CACNA1E: variants seen among roughly 807,000 people sequenced by gnomAD.
CACNA1E encodes calcium voltage-gated channel subunit alpha1 E, also known as voltage-dependent R-type calcium channel subunit alpha-1E.
CACNA1E carries 40 observed loss-of-function variants against 259.2 expected under a neutral mutation model. That is an observed-to-expected ratio of 0.15 (90% CI 0.12 to 0.20). The LOEUF (loss-of-function observed/expected upper bound fraction) is 0.20. Ranked by LOEUF, CACNA1E falls within the 10% of genes least tolerant of loss-of-function variation. CACNA1E has a pLI of 1.00. For missense variants in CACNA1E, 1,874 were observed against 3,040.1 expected, an observed-to-expected ratio of 0.62 and a Z score of 9.02; for synonymous variants, 1,104 against 1,138.5, an observed-to-expected ratio of 0.97 and a Z score of 0.61.
intron 7 of CACNA1E, chr1:181,668,607 G>C (rs538767533): frequency 6.6e-6 from 1 of 152,268 alleles, no homozygotes; most frequent in East Asian, 1.9e-4. Flanking sequence ...TTACATTCTT[G>C]CTAGCAATGC....
At chr1:181,518,811 T>C (rs1666782497) in intron 3 of CACNA1E, among the ~76,000 whole-genome samples, 1 of 152,248 alleles carries the variant, frequency 6.6e-6, no homozygotes, top group Non-Finnish European at 1.5e-5. Context: ...GAAAGGCTTC[T>C]TCTTGCCACC....
chr1:181,746,433 A>C (rs1657093161), intron 25 of CACNA1E, among the ~76,000 whole-genome samples: 2 of 152,188 alleles, frequency 1.3e-5, no homozygotes, highest in Non-Finnish European at 2.9e-5. Context: ...TTCTTGAGCA[A>C]CCTTGGTGTT....
chr1:181,566,339 T>A (rs1158311903), intron 3 of CACNA1E, among the ~76,000 whole-genome samples: 1 of 152,210 alleles, frequency 6.6e-6, no homozygotes, highest in Non-Finnish European at 1.5e-5. Context: ...GGTACCTGTA[T>A]GGAACAGGGC....
intron 2 of CACNA1E, among the ~76,000 whole-genome samples, chr1:181,443,841 G>A (rs557239625): frequency 6.6e-6 from 1 of 152,312 alleles, no homozygotes; most frequent in African/African-American, 2.4e-5. Context: ...ATATGTGACA[G>A]CTCTCATCCT....
Position 181,794,443 on chromosome 1 carries a change from TA to T in CACNA1E, c.6028-409del, listed in dbSNP as rs3830693. ...CAGGGCCTTCTCTGGCAAGGGCGTT[TA>T]AAAAAAAAAAAGCAAAGCCATGCTT... is the stretch of plus-strand genomic sequence containing the variant. On this transcript the variant is annotated intron_variant, in intron 45 of 47. Coordinates refer to ENST00000367573, the MANE Select transcript of CACNA1E (RefSeq NM_001205293.3). 1.3e-3 allele frequency among the ~76,000 whole-genome samples: 190 copies of T among 145,456 alleles called. 1 individual carries two copies. The highest frequency in any genetic ancestry group is 3.5e-3 in the Middle Eastern group (1 of 286).
chr1:181,646,687 A>G (rs765771053), intron 6 of CACNA1E, among the ~76,000 whole-genome samples: 13 of 152,172 alleles, frequency 8.5e-5, no homozygotes, highest in Non-Finnish European at 1.6e-4. Flanking sequence ...GCATAGCTTC[A>G]GCTCAGGGGA....
Position 181,523,459 on chromosome 1 carries a change from A to G in CACNA1E, c.512+11949A>G, listed in dbSNP as rs560227248. ...TCTTTTTTAATTTATTCAATATAGCATAGTGATTAAGAATTTGGGCTTCAT... is the reference window on the plus strand; with the variant it reads ...TCTTTTTTAATTTATTCAATATAGCGTAGTGATTAAGAATTTGGGCTTCAT... On this transcript the variant is annotated intron_variant, in intron 3 of 47. Coordinates refer to ENST00000367573, the MANE Select transcript of CACNA1E (RefSeq NM_001205293.3). Among the ~76,000 whole-genome samples, 5 of 152,328 alleles carry G rather than the reference A, an allele frequency of 3.3e-5. No individual in the cohort carries two copies. In the East Asian group the frequency reaches 7.7e-4, roughly 23 times the overall value.
intron 2 of CACNA1E, among the ~76,000 whole-genome samples, chr1:181,422,494 G>C (rs1254958749): frequency 6.6e-6 from 1 of 152,202 alleles, no homozygotes; most frequent in Non-Finnish European, 1.5e-5. Context: ...GGGGTGTGGA[G>C]ATTCATGAGC....
At chr1:181,657,589 A>G (rs1659308150) in intron 7 of CACNA1E, among the ~76,000 whole-genome samples, 1 of 152,210 alleles carries the variant, frequency 6.6e-6, no homozygotes, top group East Asian at 1.9e-4. Context: ...TTAAATTTTA[A>G]AGTAAAAATA....
intron 2 of CACNA1E, among the ~76,000 whole-genome samples, chr1:181,436,557 A>G (rs1271951578): frequency 6.6e-6 from 1 of 152,292 alleles, no homozygotes; most frequent in Non-Finnish European, 1.5e-5. Context: ...GTCATTTGTG[A>G]CAACATGGGT....
chr1:181,511,616 G>A (rs1666172835), intron 3 of CACNA1E, 106 bp downstream of exon 3: 2 of 1,296,910 alleles, frequency 1.5e-6, no homozygotes, highest in East Asian at 4.6e-5. Flanking sequence ...AATCTGTAGA[G>A]TAGGGGCAGA....
chr1:181,721,647 C>A, intron 15 of CACNA1E, 111 bp from the exon 16 acceptor site: 1 of 541,780 alleles, frequency 1.8e-6, no homozygotes, highest in South Asian at 3.6e-5. Context: ...GCAAGATTGT[C>A]AAGCAAGGGG....
chr1:181,633,964 C>T (rs1282913174), intron 6 of CACNA1E, among the ~76,000 whole-genome samples: 3 of 152,216 alleles, frequency 2.0e-5, no homozygotes, highest in Non-Finnish European at 4.4e-5. Context: ...TATGATGTCT[C>T]ACAGAGATAA....
intron 1 of CACNA1E, among the ~76,000 whole-genome samples, chr1:181,368,944 G>A (rs1654488858): frequency 6.6e-6 from 1 of 152,172 alleles, no homozygotes; most frequent in South Asian, 2.1e-4. Flanking sequence ...GATGATATAT[G>A]CAAAGCACTG....
chr1:181,475,468 C>A (rs1396607035), intron 2 of CACNA1E, among the ~76,000 whole-genome samples: 1 of 152,102 alleles, frequency 6.6e-6, no homozygotes, highest in Admixed American at 6.6e-5. Flanking sequence ...CTGGACCATG[C>A]ATAGAAGGAT....
At chr1:181,438,288 A>G (rs952400302) in intron 2 of CACNA1E, among the ~76,000 whole-genome samples, 1 of 152,220 alleles carries the variant, frequency 6.6e-6, no homozygotes, top group Non-Finnish European at 1.5e-5. Context: ...CTCTAGAAGC[A>G]GAGGAACTGA....
At chr1:181,795,659 C>G (rs1389281297) in intron 46 of CACNA1E, among the ~76,000 whole-genome samples, 2 of 151,560 alleles carry the variant, frequency 1.3e-5, no homozygotes, top group Non-Finnish European at 2.9e-5. Flanking sequence ...CCAGGATGGT[C>G]TCAATCTCCT....
chr1:181,555,645 G>T (rs1648641589), intron 3 of CACNA1E, among the ~76,000 whole-genome samples: 1 of 152,194 alleles, frequency 6.6e-6, no homozygotes, highest in Admixed American at 6.5e-5. Flanking sequence ...ACTTAATGGT[G>T]CATAAACTCA....
intron 1 of CACNA1E, among the ~76,000 whole-genome samples, chr1:181,503,961 A>G (rs779713743): frequency 1.1e-4 from 17 of 152,302 alleles, no homozygotes; most frequent in African/African-American, 2.2e-4. Flanking sequence ...ATTCCTGTTC[A>G]TATGTAAAAT....
Sources: allele counts gnomAD v4.1 joint callset (sites outside exome capture counted in the v4.1 genomes callset), GRCh38; gene constraint gnomAD v4.1.1; transcripts MANE v1.5; gene names NCBI Gene and HGNC (gene_info 2026-07-23, HGNC 2026-07-21).